Variants in UBE2U observed in about 807,000 individuals in gnomAD.
UBE2U encodes the protein ubiquitin-conjugating enzyme E2 U.
Under a neutral mutation model 41.2 loss-of-function variants are expected in UBE2U, and 39 were observed. The ratio of observed to expected loss-of-function variants is 0.95; its 90% CI spans 0.73 to 1.24. UBE2U has a LOEUF of 1.24. UBE2U is among the 50% of genes most tolerant of loss of function. The probability of loss-of-function intolerance (pLI) is 0.00; values close to 1 mark genes in which losing one functional copy is unlikely to be tolerated. For missense variants in UBE2U, 336 were observed against 363.1 expected, an observed-to-expected ratio of 0.93 and a Z score of 0.61; for synonymous variants, 107 against 117.8, an observed-to-expected ratio of 0.91 and a Z score of 0.60.
At chr1:64,210,898 A>G in intron 4 of UBE2U, 59 bp downstream of exon 4, 2 of 1,230,246 alleles carry the variant, frequency 1.6e-6, no homozygotes, top group Non-Finnish European at 1.1e-6. Context: ...TAATTATTCA[A>G]ACTACAAGGA....
intron 4 of UBE2U, among the ~76,000 whole-genome samples, chr1:64,213,265 TC>T (rs1192262387): frequency 2.0e-5 from 3 of 152,142 alleles, no homozygotes; most frequent in Non-Finnish European, 4.4e-5. Context: ...AAAAAAACAT[TC>T]ATAGAGTTCT....
intron 6 of UBE2U, among the ~76,000 whole-genome samples, chr1:64,229,022 A>C (rs1397196123): frequency 1.3e-5 from 2 of 151,780 alleles, no homozygotes; most frequent in African/African-American, 4.8e-5. Context: ...CATCATGCTC[A>C]GCTTATTTTT....
intron 7 of UBE2U, among the ~76,000 whole-genome samples, chr1:64,240,461 T>G (rs1644816716): frequency 6.6e-6 from 1 of 152,098 alleles, no homozygotes; most frequent in East Asian, 1.9e-4. Flanking sequence ...GCAGTCAGAT[T>G]AAGGAAGGAC....
chr1:64,243,320 G>C (rs1293314151), intron 8 of UBE2U, among the ~76,000 whole-genome samples: 9 of 152,114 alleles, frequency 5.9e-5, no homozygotes, highest in Admixed American at 5.9e-4. Flanking sequence ...CATAAATATT[G>C]ACTATGCAAA....
chr1:64,256,407 G>A (rs749340910), intron 8 of UBE2U, among the ~76,000 whole-genome samples: 3 of 152,116 alleles, frequency 2.0e-5, no homozygotes, highest in Non-Finnish European at 2.9e-5. Context: ...CATGATACTA[G>A]TACAAGAACA....
chr1:64,265,085 G>T (rs964716558), intron 9 of UBE2U, among the ~76,000 whole-genome samples: 1 of 152,166 alleles, frequency 6.6e-6, no homozygotes, highest in Admixed American at 6.5e-5. Flanking sequence ...TGAGAAGATC[G>T]CTTTTTCCCC....
At chr1:64,226,652 T>C (rs1039296481) in intron 6 of UBE2U, among the ~76,000 whole-genome samples, 2 of 152,068 alleles carry the variant, frequency 1.3e-5, no homozygotes, top group African/African-American at 4.8e-5. Flanking sequence ...GGCAATATAT[T>C]GAGACCCATC....
At chr1:64,210,670 C>A in intron 3 of UBE2U, 72 bp from the exon 4 acceptor site, 2 of 1,032,814 alleles carry the variant, frequency 1.9e-6, no homozygotes, top group South Asian at 2.5e-5. Flanking sequence ...TCTGGCTTAT[C>A]ATTTTGATGT....
chr1:64,204,794 C>G (rs901907627), intron 1 of UBE2U, among the ~76,000 whole-genome samples: 1 of 152,206 alleles, frequency 6.6e-6, no homozygotes, highest in African/African-American at 2.4e-5. Context: ...GTATAGAGTG[C>G]TTCCCACAGT....
intron 7 of UBE2U, among the ~76,000 whole-genome samples, chr1:64,239,127 A>AAGGAGAAGGAGAAGGAGAAGG (rs1557730225): frequency 1.8e-4 from 4 of 21,984 alleles, no homozygotes; most frequent in African/African-American, 6.6e-4. Flanking sequence ...GAAGAAGAAG[A>AAGGAGAAGGAGAAGGAGAAGG]AGAAGAAGAA....
chr1:64,252,105 C>T (rs964395666), intron 8 of UBE2U, among the ~76,000 whole-genome samples: 1 of 152,330 alleles, frequency 6.6e-6, no homozygotes, highest in East Asian at 1.9e-4. Flanking sequence ...GGAGGGGTCT[C>T]CCCACCAACA....
chr1:64,220,632 C>T (rs1234121479), intron 5 of UBE2U, among the ~76,000 whole-genome samples: 1 of 152,090 alleles, frequency 6.6e-6, no homozygotes, highest in Non-Finnish European at 1.5e-5. Context: ...TCTCATCAAG[C>T]AGTTTTTTTT....
intron 3 of UBE2U, among the ~76,000 whole-genome samples, chr1:64,209,945 G>A (rs1025759889): frequency 2.0e-5 from 3 of 152,168 alleles, no homozygotes; most frequent in East Asian, 1.9e-4. Flanking sequence ...TTTGTGACTC[G>A]TATGATACAA....
At chr1:64,245,248 G>T (rs1644901578) in intron 8 of UBE2U, among the ~76,000 whole-genome samples, 1 of 151,922 alleles carries the variant, frequency 6.6e-6, no homozygotes, top group African/African-American at 2.4e-5. Flanking sequence ...CTTTCTTTCC[G>T]TTAAAGGATA....
chr1:64,239,074 G>GGAGGAA (rs1644731320), intron 7 of UBE2U, among the ~76,000 whole-genome samples: 1 of 62,724 alleles, frequency 1.6e-5, no homozygotes, highest in Non-Finnish European at 3.0e-5. Flanking sequence ...AAGAGGAAGA[G>GGAGGAA]GAAGAGGAAG....
At chr1:64,247,566 G>T (rs1283157940) in intron 8 of UBE2U, among the ~76,000 whole-genome samples, 1 of 152,074 alleles carries the variant, frequency 6.6e-6, no homozygotes, top group Non-Finnish European at 1.5e-5. Context: ...AGTGCTAGTT[G>T]TTAAAAAGAG....
chr1:64,262,207 T>A (rs1248646204), intron 9 of UBE2U, among the ~76,000 whole-genome samples: 2 of 152,234 alleles, frequency 1.3e-5, no homozygotes, highest in African/African-American at 4.8e-5. Context: ...GGGTATTACC[T>A]TTTTTAGGAA....
intron 6 of UBE2U, among the ~76,000 whole-genome samples, chr1:64,229,519 A>T (rs1474533565): frequency 1.3e-5 from 2 of 152,150 alleles, no homozygotes; most frequent in African/African-American, 4.8e-5. Flanking sequence ...GAGGTTAGAT[A>T]ACTTGCTCCA....
chr1:64,263,648 G>C (rs905031767), intron 9 of UBE2U, among the ~76,000 whole-genome samples: 1 of 152,202 alleles, frequency 6.6e-6, no homozygotes, highest in African/African-American at 2.4e-5. Context: ...AGGGAAGTAT[G>C]ACTCAGAAAA....
Sources: allele counts gnomAD v4.1 joint callset (sites outside exome capture counted in the v4.1 genomes callset), GRCh38; gene constraint gnomAD v4.1.1; transcripts MANE v1.5; gene names NCBI Gene and HGNC (gene_info 2026-07-23, HGNC 2026-07-21).